The following SLC2A3 variants were observed in gnomAD, a reference collection of about 807,000 sequenced individuals.
The protein encoded by SLC2A3 is solute carrier family 2 member 3.
SLC2A3 carries 21 observed loss-of-function variants against 46.4 expected under a neutral mutation model. That is an observed-to-expected ratio of 0.45 (90% confidence interval 0.32 to 0.65). SLC2A3 has a LOEUF of 0.65. SLC2A3 is among the 30% of genes least tolerant of loss of function. The pLI, the probability that SLC2A3 is intolerant of heterozygous loss-of-function variation, is 0.04. For synonymous variants in SLC2A3, 213 were observed against 239.4 expected, an observed-to-expected ratio of 0.89 and a Z score of 1.02; for missense variants, 499 against 623.3, an observed-to-expected ratio of 0.80 and a Z score of 2.12.
rs769302724 is a variant in SLC2A3 at position 7,933,079 on chromosome 12, G to A, written c.177C>T (p.Leu59=). The A allele has an allele frequency of 1.9e-6, 3 of 1,614,120 alleles. No individual in the cohort carries two copies. Among genetic ancestry groups the A allele is most frequent in the Non-Finnish European group, 2.5e-6 (3 of 1,180,016 alleles). ...KGNAPPSEVL[L]TSLWSLSVAI... ...CCACAGACAAGGACCAGAGAGACGT[G>A]AGCAGCACCTCAGAGGGTGGGGCAT... Residue 59 remains leucine, a synonymous_variant, in exon 3 of 10, where the codon CTC becomes CTT. Coordinates refer to ENST00000075120, the MANE Select transcript of SLC2A3 (RefSeq NM_006931.3).
chr12:7,928,024 TGAACCCAGGAGATG>T (rs752689828), intron 6 of SLC2A3, among the ~76,000 whole-genome samples: 4 of 152,146 alleles, frequency 2.6e-5, no homozygotes, highest in Admixed American at 2.6e-4. Flanking sequence ...GAGAATCATT[TGAACCCAGGAGATG>T]GAGGTTGTGG....
Position 7,933,873 on chromosome 12 carries a change from T to G in SLC2A3, c.45A>C (p.Thr15=), listed in dbSNP as rs150522319. Residue 15 remains threonine, a synonymous_variant, in exon 2 of 10, where the codon ACA becomes ACC. Coordinates refer to ENST00000075120, the MANE Select transcript of SLC2A3 (RefSeq NM_006931.3). ...KVTPALIFAI[T]VATIGSFQFG... is the part of the protein sequence containing the mutation. ...ATTGGAAAGAGCCGATTGTAGCAAC[T>G]GTGATGGCAAATATCAGAGCTGGGG... 49 of 1,613,950 alleles carry G rather than the reference T, an allele frequency of 3.0e-5. No individual in the cohort carries two copies. In the African/African-American group the frequency reaches 6.4e-4, roughly 21 times the overall value.
intron 1 of SLC2A3, among the ~76,000 whole-genome samples, chr12:7,934,333 C>T (rs758482339): frequency 2.0e-5 from 3 of 152,118 alleles, no homozygotes; most frequent in Admixed American, 1.3e-4. Context: ...CCACGGAAGC[C>T]CACTGGTGGT....
chr12:7,931,053 C>A (rs1220579127), intron 4 of SLC2A3, among the ~76,000 whole-genome samples, 192 bp downstream of exon 4: 1 of 152,094 alleles, frequency 6.6e-6, no homozygotes, highest in African/African-American at 2.4e-5. Flanking sequence ...ACCTCGGCCT[C>A]CCAAAGTGCT....
intron 9 of SLC2A3, among the ~76,000 whole-genome samples, chr12:7,922,130 T>G (rs1946042993): frequency 6.6e-6 from 1 of 152,168 alleles, no homozygotes; most frequent in Non-Finnish European, 1.5e-5. Context: ...GTGATTCTCT[T>G]GCCTCAGTCT....
rs774326418 is a variant in SLC2A3, at chr12:7,927,584, G to T, written c.862-1636C>A. ...ATCATCATTTGTGCAAAGTAGGTTG[G>T]AAAAGTGATTTCCAAGCCTGCTGTG... On this transcript the variant is annotated intron_variant, in intron 6 of 9. Coordinates refer to ENST00000075120, the MANE Select transcript of SLC2A3 (RefSeq NM_006931.3). Among the ~76,000 whole-genome samples, 234 of 152,154 alleles carry T rather than the reference G, an allele frequency of 1.5e-3. 1 individual carries two copies. Among genetic ancestry groups the T allele is most frequent in the African/African-American group, 5.2e-3 (216 of 41,506 alleles).
intron 8 of SLC2A3, chr12:7,923,273 A>G (rs886804771): frequency 4.2e-5 from 17 of 406,210 alleles, no homozygotes; most frequent in Admixed American, 4.1e-4. Context: ...GGCATAAGCA[A>G]TCCTCCCACC....
In SLC2A3 at chr12:7,932,991, C is replaced by T; in HGVS notation, c.265G>A (p.Gly89Ser). 1 of 1,614,014 alleles carries T rather than the reference C, an allele frequency of 6.2e-7. No homozygotes were observed. Among genetic ancestry groups the T allele is most frequent in the African/African-American group, 1.3e-5 (1 of 75,014 alleles). Residue 89 changes from glycine (G) to serine (S), a missense_variant, in exon 3 of 10, where the codon GGC becomes AGC. Physicochemically the swap from Gly to Ser is moderately conservative, Grantham distance 56 (BLOSUM62 0). Transcript: ENST00000075120. ...FSVGLFVNRF[G>S]RRNSMLIVNL... Reference sequence around the variant, plus strand: ...TGCCCAGTTTCTAGTCAATACCTGCCAAAGCGGTTGACGAAGAGTCCGACG... The same window carrying T: ...TGCCCAGTTTCTAGTCAATACCTGCTAAAGCGGTTGACGAAGAGTCCGACG...
chr12:7,923,758 C>A (rs1422408433), intron 8 of SLC2A3, among the ~76,000 whole-genome samples: 1 of 146,588 alleles, frequency 6.8e-6, no homozygotes, highest in Non-Finnish European at 1.5e-5. Context: ...CTGCGCCCAG[C>A]CAGGATTGGA....
chr12:7,932,385 C>T (rs1946165489), intron 3 of SLC2A3, among the ~76,000 whole-genome samples: 1 of 152,052 alleles, frequency 6.6e-6, no homozygotes. Context: ...GCCATGTTGG[C>T]CAGGCTGGTC....
intron 2 of SLC2A3, chr12:7,933,378 T>G (rs765142777): frequency 1.7e-6 from 1 of 600,938 alleles, no homozygotes; most frequent in Non-Finnish European, 2.9e-6. Context: ...ACCCCAGCCC[T>G]CTGCTAAGGG....
At chr12:7,932,866 C>G in intron 3 of SLC2A3, 121 bp downstream of exon 3, 1 of 1,443,020 alleles carries the variant, frequency 6.9e-7, no homozygotes, top group East Asian at 2.3e-5. Flanking sequence ...CTAGGTTTCC[C>G]TTGATTAGAA....
chr12:7,926,600 G>T (rs1946097433), intron 6 of SLC2A3, among the ~76,000 whole-genome samples: 3 of 152,150 alleles, frequency 2.0e-5, no homozygotes. Context: ...TTGGTCTCAA[G>T]TGATCCTCCT....
Position 7,933,380 on chromosome 12 carries a change from T to C in SLC2A3, c.109-233A>G, listed in dbSNP as rs1565605353. On this transcript the variant is annotated intron_variant, in intron 2 of 9. Coordinates refer to ENST00000075120, the MANE Select transcript of SLC2A3 (RefSeq NM_006931.3). Reference sequence around the variant, plus strand: ...ATGTTCACAGTCTACCCCAGCCCTCTGCTAAGGGAACCCAGCTTCTTTGTA... The same window carrying C: ...ATGTTCACAGTCTACCCCAGCCCTCCGCTAAGGGAACCCAGCTTCTTTGTA... 8.4e-6 allele frequency: 5 copies of C among 597,710 alleles called. No homozygotes were observed. In the South Asian group the frequency reaches 8.5e-5, roughly 10 times the overall value. The allele number at this position is 597,710 out of a possible 1,614,324, so 37.0% of individuals were successfully genotyped here. A position where few individuals can be genotyped will look rare whatever the true frequency, so the allele number is the denominator to read the frequency against.
chr12:7,930,081 G>C (rs918781790), intron 5 of SLC2A3: 1 of 1,060,130 alleles, frequency 9.4e-7, no homozygotes, highest in Non-Finnish European at 1.3e-6. Context: ...CACTTCCCGG[G>C]TTCACACGAT....
intron 3 of SLC2A3, 102 bp from the exon 4 acceptor site, chr12:7,931,587 C>CTT: frequency 6.4e-6 from 8 of 1,257,448 alleles, no homozygotes; most frequent in Admixed American, 2.7e-5. Flanking sequence ...CATATCATCC[C>CTT]TTTTTTTTTT....
intron 6 of SLC2A3, among the ~76,000 whole-genome samples, chr12:7,926,355 T>A (rs1946094836): frequency 6.6e-6 from 1 of 152,110 alleles, no homozygotes; most frequent in African/African-American, 2.4e-5. Context: ...CCTCCCAAAG[T>A]GCTAGGATTA....
At position 7,929,693 on chromosome 12, in the gene SLC2A3, C is replaced by T. The variant is rs757224058; in HGVS notation, c.852G>A (p.Gly284=). 3.7e-6 allele frequency: 6 copies of T among 1,613,280 alleles called. No homozygotes were observed. In the African/African-American group the frequency reaches 4.0e-5, roughly 11 times the overall value. Residue 284 remains glycine (G), a synonymous_variant, in exon 6 of 10, where the codon GGG becomes GGA. Coordinates refer to ENST00000075120, the MANE Select transcript of SLC2A3 (RefSeq NM_006931.3). The stretch of plus-strand genomic sequence containing the variant: ...AAAGTATCACACTCACAGCATTGAT[C>T]CCAGAGAGCTGCTGAGAGAGCTGGA... The part of the protein sequence containing the change: ...IVLQLSQQLS[G]INAVFYYSTG...
intron 6 of SLC2A3, 60 bp downstream of exon 6, chr12:7,929,624 T>C (rs1946131166): frequency 4.6e-5 from 73 of 1,590,688 alleles, no homozygotes; most frequent in Non-Finnish European, 6.2e-5. Flanking sequence ...ACCGCCACCA[T>C]GCCCGGCATT....
Sources: allele counts gnomAD v4.1 joint callset (sites outside exome capture counted in the v4.1 genomes callset), GRCh38; gene constraint gnomAD v4.1.1; transcripts MANE v1.5; gene names NCBI Gene and HGNC (gene_info 2026-07-23, HGNC 2026-07-21).